The following LAPTM4B variants were observed in gnomAD, a reference collection of about 807,000 sequenced individuals.
The protein encoded by LAPTM4B is lysosomal-associated transmembrane protein 4B.
LAPTM4B carries 26 observed loss-of-function variants against 28.5 expected under a neutral mutation model. The ratio of observed to expected loss-of-function variants is 0.91; its 90% CI spans 0.67 to 1.27. The LOEUF (loss-of-function observed/expected upper bound fraction) is 1.27, where lower values mean the gene tolerates loss of function less well. Among genes scored for constraint, LAPTM4B ranks in the 50% most tolerant of loss-of-function variants. The pLI is 0.00. For synonymous variants in LAPTM4B, 109 were observed against 106.4 expected, an observed-to-expected ratio of 1.02 and a Z score of -0.15; for missense variants, 288 against 285.8, an observed-to-expected ratio of 1.01 and a Z score of -0.06.
chr8:97,792,821 G>A (rs1001388039), intron 1 of LAPTM4B, among the ~76,000 whole-genome samples: 4 of 151,632 alleles, frequency 2.6e-5, no homozygotes, highest in African/African-American at 4.8e-5. Context: ...CAAGTGATCC[G>A]CCCTCCTCAG....
At chr8:97,787,461 T>G (rs1231466212) in intron 1 of LAPTM4B, among the ~76,000 whole-genome samples, 1 of 151,962 alleles carries the variant, frequency 6.6e-6, no homozygotes, top group African/African-American at 2.4e-5. Flanking sequence ...AATTTTTGTA[T>G]TTTTAGTAGA....
chr8:97,821,437 C>T (rs1307576321), intron 5 of LAPTM4B, among the ~76,000 whole-genome samples: 1 of 152,044 alleles, frequency 6.6e-6, no homozygotes, highest in African/African-American at 2.4e-5. Context: ...TAGAGTGGGT[C>T]CAGGGGTCCA....
At chr8:97,806,506 C>G (rs1208466659) in intron 2 of LAPTM4B, among the ~76,000 whole-genome samples, 1 of 152,088 alleles carries the variant, frequency 6.6e-6, no homozygotes, top group African/African-American at 2.4e-5. Flanking sequence ...GGGAACAGAC[C>G]TGGGGGAGAA....
chr8:97,814,042 AC>A (rs1406326454), intron 2 of LAPTM4B, among the ~76,000 whole-genome samples: 1 of 152,206 alleles, frequency 6.6e-6, no homozygotes, highest in Non-Finnish European at 1.5e-5. Context: ...GCAGTTGTGT[AC>A]CTGCCAAGTT....
intron 1 of LAPTM4B, among the ~76,000 whole-genome samples, chr8:97,798,758 G>T (rs952909425): frequency 1.3e-5 from 2 of 152,078 alleles, no homozygotes; most frequent in Non-Finnish European, 2.9e-5. Flanking sequence ...AGGCATGTAA[G>T]TATCTGACAG....
chr8:97,829,062 CA>C (rs1393188110), intron 6 of LAPTM4B, among the ~76,000 whole-genome samples: 2 of 152,066 alleles, frequency 1.3e-5, no homozygotes, highest in Non-Finnish European at 2.9e-5. Context: ...ACTGGAAATG[CA>C]GAGTAAAAAG....
rs1246724883 is a variant in LAPTM4B at position 97,805,432 on chromosome 8, T to C, written c.179T>C (p.Leu60Pro). The change falls in exon 2 of 7, where the codon CTG becomes CCG. Residue 60 changes from leucine to proline, a missense_variant. Leu to Pro is a moderately conservative substitution (Grantham distance 98, BLOSUM62 -3). Coordinates refer to ENST00000521545, the MANE Select transcript of LAPTM4B (RefSeq NM_018407.6). ...CAGTATAACTTTTCAAGTTCTGAAC[T>C]GGGAGGTGACTTTGAGTTCATGGAT... The part of the protein sequence containing the change: ...PDQYNFSSSE[L>P]GGDFEFMDDA... 2 of 1,611,366 alleles carry C rather than the reference T, an allele frequency of 1.2e-6. No homozygotes were observed. The highest frequency in any genetic ancestry group is 2.2e-5 in the South Asian group (2 of 90,994).
rs1169824944 is a variant in LAPTM4B at position 97,816,196 on chromosome 8, A to G, written c.408+16A>G. The stretch of plus-strand genomic sequence containing the variant: ...ACGGCAACTGGTACGTGGACCTCTT[A>G]CTGCTCCTTTTCATTAATTCTTTTC... On this transcript the variant is annotated intron_variant, in intron 4 of 6. Transcript: ENST00000521545. 6.3e-7 allele frequency: 1 copy of G among 1,583,434 alleles called. No individual in the cohort carries two copies. The highest frequency in any genetic ancestry group is 1.8e-5 in the Admixed American group (1 of 56,708).
chr8:97,829,156 G>A (rs1013769930), intron 6 of LAPTM4B, among the ~76,000 whole-genome samples: 51 of 152,274 alleles, frequency 3.3e-4, no homozygotes, highest in African/African-American at 1.1e-3. Flanking sequence ...AGGTTGTAGC[G>A]GGGTTTGGTA....
intron 6 of LAPTM4B, among the ~76,000 whole-genome samples, chr8:97,850,027 A>G (rs4534102): frequency 0.46 from 69,531 of 151,554 alleles, 16,560 homozygotes; most frequent in Non-Finnish European, 0.51. Context: ...CCACTGTCCA[A>G]TGGGCTTCAG....
chr8:97,811,246 G>A (rs758944819), intron 2 of LAPTM4B, among the ~76,000 whole-genome samples: 28 of 152,114 alleles, frequency 1.8e-4, no homozygotes, highest in Middle Eastern at 3.4e-3. Flanking sequence ...CTTGATATAC[G>A]TACACTCCAG....
intron 2 of LAPTM4B, among the ~76,000 whole-genome samples, chr8:97,806,761 A>G (rs756081296): frequency 2.3e-4 from 35 of 152,290 alleles, no homozygotes; most frequent in Admixed American, 1.2e-3. Context: ...GTTCGAGACC[A>G]GCCTGGCCAA....
chr8:97,805,341 T>TTC lies in LAPTM4B; in HGVS notation c.100-10_100-9dup. ...CTTAAATTCTTTTTTTTTTTTTTTT[T>TTC]TCTTGTTGCAGATCATCAATGCTGT... On this transcript the variant is annotated splice_polypyrimidine_tract_variant and intron_variant, in intron 1 of 6. Transcript: ENST00000521545. 2 of 1,348,534 alleles carry TTC rather than the reference T, an allele frequency of 1.5e-6. No homozygotes were observed. The highest frequency in any genetic ancestry group is 2.1e-6 in the Non-Finnish European group (2 of 962,638). 83.5% of individuals were successfully genotyped at this position (1,348,534 alleles called of 1,614,324 possible).
At chr8:97,799,692 G>A (rs550465396) in intron 1 of LAPTM4B, among the ~76,000 whole-genome samples, 1 of 152,214 alleles carries the variant, frequency 6.6e-6, no homozygotes, top group African/African-American at 2.4e-5. Context: ...TAACAACATA[G>A]CTCTGATCAT....
intron 1 of LAPTM4B, among the ~76,000 whole-genome samples, chr8:97,785,263 G>T (rs760718183): frequency 6.6e-6 from 1 of 152,032 alleles, no homozygotes; most frequent in Non-Finnish European, 1.5e-5. Flanking sequence ...ATTTAGTAGA[G>T]ATGGGGTTTC....
At chr8:97,817,031 C>T (rs570412838) in intron 4 of LAPTM4B, among the ~76,000 whole-genome samples, 1 of 152,320 alleles carries the variant, frequency 6.6e-6, no homozygotes, top group African/African-American at 2.4e-5. Context: ...ATCCCTTTCT[C>T]AAGCATCATT....
chr8:97,780,164 C>T (rs1250151560), intron 1 of LAPTM4B, among the ~76,000 whole-genome samples: 1 of 151,790 alleles, frequency 6.6e-6, no homozygotes, highest in African/African-American at 2.4e-5. Context: ...GTGGCTCATA[C>T]CTGTAATCCC....
rs780379022 is a variant in LAPTM4B at position 97,776,041 on chromosome 8, A to G, written c.32A>G (p.Tyr11Cys). The G allele has an allele frequency of 8.2e-6, 13 of 1,585,964 alleles. No individual in the cohort carries two copies. In the East Asian group the frequency reaches 2.7e-4, roughly 33 times the overall value. The change falls in exon 1 of 7, where the codon TAC becomes TGC. Residue 11 changes from tyrosine (Y) to cysteine (C), a missense_variant. Coordinates refer to ENST00000521545, the MANE Select transcript of LAPTM4B (RefSeq NM_018407.6). Reference sequence around the variant, plus strand: ...ATGGTCGCGCCCTGGACGCGGTTCTACTCCAACAGCTGCTGCTTGTGCTGC... The same window carrying G: ...ATGGTCGCGCCCTGGACGCGGTTCTGCTCCAACAGCTGCTGCTTGTGCTGC... MKMVAPWTRFYSNSCCLCCHV... is the reference protein window; with the variant it reads MKMVAPWTRFCSNSCCLCCHV...
chr8:97,806,539 C>T (rs1289508777), intron 2 of LAPTM4B, among the ~76,000 whole-genome samples: 1 of 152,152 alleles, frequency 6.6e-6, no homozygotes, highest in Non-Finnish European at 1.5e-5. Flanking sequence ...ATTTCAGTAA[C>T]TAGCTGAGCA....
Sources: allele counts gnomAD v4.1 joint callset (sites outside exome capture counted in the v4.1 genomes callset), GRCh38; gene constraint gnomAD v4.1.1; transcripts MANE v1.5; gene names NCBI Gene and HGNC (gene_info 2026-07-23, HGNC 2026-07-21).